ROBO2: variants seen among roughly 807,000 people sequenced by gnomAD.
The protein encoded by ROBO2 is roundabout guidance receptor 2.
ROBO2 carries 53 observed loss-of-function variants against 160.8 expected under a neutral mutation model. That is an observed-to-expected ratio of 0.33 (90% CI 0.26 to 0.41). The LOEUF is 0.41. Ranked by LOEUF, ROBO2 falls within the 10% of genes least tolerant of loss-of-function variation. ROBO2 has a pLI of 1.00. For missense variants in ROBO2, 1,577 were observed against 1,722.4 expected (o/e 0.92, Z 1.49); for synonymous variants, 664 against 611.7 (o/e 1.09, Z -1.26).
chr3:76,210,287 T>A (rs1290759245), intron 2 of ROBO2, among the ~76,000 whole-genome samples: 1 of 152,112 alleles, frequency 6.6e-6, no homozygotes, highest in Non-Finnish European at 1.5e-5. Flanking sequence ...AATGTGCTAC[T>A]TTGTTAGTAA....
intron 2 of ROBO2, among the ~76,000 whole-genome samples, chr3:76,791,734 G>A (rs536189880): frequency 4.0e-5 from 6 of 151,618 alleles, no homozygotes; most frequent in African/African-American, 7.3e-5. Flanking sequence ...GCTTTAAGCC[G>A]ATAAATTTGG....
rs544456190 is a variant in ROBO2, at chr3:77,494,543, A to T, written c.806+1161A>T. 2.3e-3 allele frequency among the ~76,000 whole-genome samples: 357 copies of T among 152,226 alleles called. 4 individuals are homozygous for T. Among genetic ancestry groups the T allele is most frequent in the African/African-American group, 8.2e-3 (340 of 41,550 alleles). On this transcript the variant is annotated intron_variant, in intron 5 of 25. Transcript: ENST00000461745. The stretch of plus-strand genomic sequence containing the variant: ...CAGTGAGTCAAGATCGTGCCACTGT[A>T]CTCCAGCCTGGGCGACAGAGTGAGA...
intron 2 of ROBO2, among the ~76,000 whole-genome samples, chr3:77,230,391 CT>C (rs917713146): frequency 6.6e-5 from 10 of 152,166 alleles, no homozygotes; most frequent in African/African-American, 2.2e-4. Flanking sequence ...GCTTACATAG[CT>C]TTTTTTAAAT....
chr3:76,546,262 A>G (rs2083090620), intron 2 of ROBO2, among the ~76,000 whole-genome samples: 1 of 151,966 alleles, frequency 6.6e-6, no homozygotes, highest in Admixed American at 6.6e-5. Context: ...CTATAATTCT[A>G]TAAATGGAAT....
chr3:76,428,810 A>C (rs948931050), intron 2 of ROBO2, among the ~76,000 whole-genome samples: 2 of 152,160 alleles, frequency 1.3e-5, no homozygotes, highest in Non-Finnish European at 2.9e-5. Flanking sequence ...GAGAAGCGTC[A>C]CCTACTGAAG....
intron 4 of ROBO2, among the ~76,000 whole-genome samples, chr3:77,484,162 A>C (rs969632430): frequency 6.6e-6 from 1 of 152,030 alleles, no homozygotes; most frequent in East Asian, 1.9e-4. Flanking sequence ...CAAATCTAAA[A>C]ATTAGAAGTA....
intron 2 of ROBO2, among the ~76,000 whole-genome samples, chr3:77,179,955 C>T (rs2080548772): frequency 6.6e-6 from 1 of 152,040 alleles, no homozygotes; most frequent in African/African-American, 2.4e-5. Flanking sequence ...TAGTGGCTCC[C>T]ATGGAATGAC....
intron 2 of ROBO2, among the ~76,000 whole-genome samples, chr3:75,999,321 C>T (rs931363589): frequency 4.5e-4 from 69 of 152,114 alleles, no homozygotes; most frequent in African/African-American, 1.6e-3. Context: ...AGAATCTCTA[C>T]AAGTCCAAGG....
At chr3:77,345,802 T>C (rs1319693585) in intron 2 of ROBO2, among the ~76,000 whole-genome samples, 1 of 152,168 alleles carries the variant, frequency 6.6e-6, no homozygotes, top group East Asian at 1.9e-4. Flanking sequence ...TATTTTCCAG[T>C]ATACTCTTCA....
At chr3:77,643,477 A>T (rs1362141084) in intron 24 of ROBO2, among the ~76,000 whole-genome samples, 1 of 152,158 alleles carries the variant, frequency 6.6e-6, no homozygotes, top group Non-Finnish European at 1.5e-5. Flanking sequence ...GTTGGTTGTT[A>T]ATCTGTCTAT....
chr3:76,906,288 G>A (rs966809884), intron 2 of ROBO2, among the ~76,000 whole-genome samples: 1 of 151,440 alleles, frequency 6.6e-6, no homozygotes, highest in Non-Finnish European at 1.5e-5. Flanking sequence ...AACCAAATAC[G>A]CATAAGATAT....
intron 2 of ROBO2, among the ~76,000 whole-genome samples, chr3:76,580,145 A>T (rs992811596): frequency 1.2e-4 from 18 of 152,168 alleles, no homozygotes; most frequent in African/African-American, 3.4e-4. Context: ...GGGCTGTTAT[A>T]TCATTTCTGT....
At chr3:76,302,430 C>G (rs1709407408) in intron 2 of ROBO2, among the ~76,000 whole-genome samples, 1 of 152,008 alleles carries the variant, frequency 6.6e-6, no homozygotes, top group Non-Finnish European at 1.5e-5. Context: ...TATCATTTAA[C>G]TAGAAACAGA....
chr3:76,087,015 T>C (rs2069041652), intron 2 of ROBO2, among the ~76,000 whole-genome samples: 1 of 151,296 alleles, frequency 6.6e-6, no homozygotes. Flanking sequence ...ATGAAATAAA[T>C]CAGAACATAA....
At chr3:76,917,021 A>G (rs532067822) in intron 2 of ROBO2, among the ~76,000 whole-genome samples, 1 of 152,300 alleles carries the variant, frequency 6.6e-6, no homozygotes, top group Admixed American at 6.5e-5. Context: ...AGACAGATAT[A>G]GCTTAAAAGG....
At chr3:75,913,912 A>G (rs1042141415) in intron 1 of ROBO2, among the ~76,000 whole-genome samples, 1 of 152,176 alleles carries the variant, frequency 6.6e-6, no homozygotes, top group African/African-American at 2.4e-5. Flanking sequence ...AGTTATATCT[A>G]TGATACTAAT....
At chr3:76,132,370 A>G (rs2071254680) in intron 2 of ROBO2, among the ~76,000 whole-genome samples, 1 of 112,390 alleles carries the variant, frequency 8.9e-6, no homozygotes, top group South Asian at 3.8e-4. Flanking sequence ...CCTCTGCCTA[A>G]CACCTGCCCA....
At chr3:77,522,655 G>A in intron 5 of ROBO2, 120 bp from the exon 6 acceptor site, 2 of 946,498 alleles carry the variant, frequency 2.1e-6, no homozygotes, top group Non-Finnish European at 3.3e-6. Flanking sequence ...GCTGATTTGT[G>A]TGTGTGTGTA....
intron 8 of ROBO2, among the ~76,000 whole-genome samples, chr3:77,555,236 C>A (rs117583132): frequency 3.3e-5 from 5 of 151,922 alleles, no homozygotes; most frequent in African/African-American, 1.2e-4. Context: ...AGCTTTTATA[C>A]GCACTGGGAA....
Sources: gnomAD v4.1 joint callset for allele counts (sites outside exome capture counted in the v4.1 genomes callset) on GRCh38, gnomAD v4.1.1 for gene constraint, MANE v1.5 for transcripts, NCBI Gene and HGNC (gene_info 2026-07-23, HGNC 2026-07-21) for gene names.